The following PCDHGB5 variants were observed in gnomAD, a reference collection of about 807,000 sequenced individuals.
PCDHGB5 encodes the protein protocadherin gamma-B5.
In PCDHGB5, 48 loss-of-function variants were observed where a neutral mutation model predicts 62.9. The observed-to-expected ratio is 0.76, with a 90% CI of 0.61 to 0.97. The LOEUF is 0.97. Among genes scored for constraint, PCDHGB5 ranks in the 50% least tolerant of loss-of-function variants. The pLI is 0.00. For synonymous variants in PCDHGB5, 474 were observed against 511.2 expected (o/e 0.93, Z 0.98); for missense variants, 1,118 against 1,198.6 (o/e 0.93, Z 0.99).
Position 141,477,160 on chromosome 5 carries a change from C to A in PCDHGB5, c.2398-17647C>A, listed in dbSNP as rs768436526. The A allele has an allele frequency of 1.9e-5, 31 of 1,614,068 alleles. No homozygotes were observed. The African/African-American group carries it at 3.6e-4, about 19-fold the overall frequency. On this transcript the variant is annotated intron_variant, in intron 1 of 3. Coordinates refer to ENST00000617380, the MANE Select transcript of PCDHGB5 (RefSeq NM_018925.3). This position sits in a 1 kb window ranked among gnomAD's most constrained non-coding sequence, Gnocchi z 4.9. ...TGGAGGTTGTGGATGTGAATGACAA[C>A]GCCCCGGAGATCACAGTCACCTCCG...
rs907427230 is a variant in PCDHGB5, at chr5:141,489,936, G to A, written c.2398-4871G>A. 4 of 1,614,096 alleles carry A rather than the reference G, an allele frequency of 2.5e-6. No homozygotes were observed. In the African/African-American group the frequency reaches 5.3e-5, roughly 22 times the overall value. ...GGACCACCCTTATCTCTGTCATCGT[G>A]CTGGACATCAATGATAATGCTCCAA... is the stretch of plus-strand genomic sequence containing the variant. On this transcript the variant is annotated intron_variant, in intron 1 of 3. Coordinates refer to ENST00000617380, the MANE Select transcript of PCDHGB5 (RefSeq NM_018925.3). This position sits in a 1 kb window ranked among gnomAD's most constrained non-coding sequence, Gnocchi z 4.5.
chr5:141,404,225 A>G, intron 1 of PCDHGB5: 6 of 1,613,828 alleles, frequency 3.7e-6, no homozygotes, highest in Non-Finnish European at 5.1e-6. Context: ...GGTGACTGCA[A>G]CAGACAGAGG....
chr5:141,492,458 G>A (rs1333043781), intron 1 of PCDHGB5, among the ~76,000 whole-genome samples: 1 of 152,230 alleles, frequency 6.6e-6, no homozygotes, highest in Non-Finnish European at 1.5e-5. Flanking sequence ...GTGCGCGCCT[G>A]AGGGTCCCAG....
intron 1 of PCDHGB5, chr5:141,418,595 G>T (rs1331897624): frequency 5.6e-6 from 9 of 1,613,928 alleles, no homozygotes; most frequent in Non-Finnish European, 7.6e-6. Flanking sequence ...CAGCCAGGAC[G>T]TGTACAGGGT....
intron 2 of PCDHGB5, among the ~76,000 whole-genome samples, chr5:141,496,486 C>T (rs186488143): frequency 1.3e-5 from 2 of 152,322 alleles, no homozygotes; most frequent in East Asian, 3.9e-4. Flanking sequence ...CTGCAACCAA[C>T]CAAACCCTTG....
chr5:141,487,355 G>A lies in PCDHGB5; in HGVS notation c.2398-7452G>A. ...AGCCTGTGGAGTCACATGCTTTCCT[G>A]CTGGCACCTGTGCCTGTCTCACCAG... On this transcript the variant is annotated intron_variant, in intron 1 of 3. Coordinates refer to ENST00000617380, the MANE Select transcript of PCDHGB5 (RefSeq NM_018925.3). This position sits in a 1 kb window ranked among gnomAD's most constrained non-coding sequence, Gnocchi z 5.0. 1 of 1,614,150 alleles carries A rather than the reference G, an allele frequency of 6.2e-7. No homozygotes were observed. Among genetic ancestry groups the A allele is most frequent in the South Asian group, 1.1e-5 (1 of 91,090 alleles).
Position 141,486,253 on chromosome 5 carries a change from C to A in PCDHGB5, c.2398-8554C>A. The A allele has an allele frequency of 6.2e-7, 1 of 1,614,138 alleles. No individual in the cohort carries two copies. Among genetic ancestry groups the A allele is most frequent in the Non-Finnish European group, 8.5e-7 (1 of 1,180,006 alleles). On this transcript the variant is annotated intron_variant, in intron 1 of 3. Transcript: ENST00000617380. This position sits in a 1 kb window ranked among gnomAD's most constrained non-coding sequence, Gnocchi z 5.0. ...TGACCTCAGAGCTTGGAACCCTCCC[C>A]GAGAGTGCAGAACCTGGCACTGTGG...
At chr5:141,402,807 T>TA in intron 1 of PCDHGB5, 1 of 1,165,464 alleles carries the variant, frequency 8.6e-7, no homozygotes, top group Non-Finnish European at 1.2e-6. Flanking sequence ...ACCCGGCAGA[T>TA]ACCACAAACC....
rs751214480 is a variant in PCDHGB5, at chr5:141,485,161, G to A, written c.2398-9646G>A. ...CGTCTCAGGAGCAAGTAGAGAATTA[G>A]CGGGCGGCAGCAATGCTCCGCAAGG... On this transcript the variant is annotated intron_variant, in intron 1 of 3. Transcript: ENST00000617380. The surrounding 1 kb of genome is among the most constrained non-coding windows in gnomAD (Gnocchi z 5.7). The A allele has an allele frequency of 8.1e-6, 13 of 1,603,712 alleles. No individual in the cohort carries two copies. The Admixed American group carries it at 2.0e-4, about 25-fold the overall frequency.
chr5:141,410,135 G>T, intron 1 of PCDHGB5: 1 of 1,612,626 alleles, frequency 6.2e-7, no homozygotes, highest in Non-Finnish European at 8.5e-7. Context: ...CCTGCTGGTC[G>T]CTGTGCGTGA....
chr5:141,471,906 G>A (rs1376234079), intron 1 of PCDHGB5, among the ~76,000 whole-genome samples: 2 of 152,192 alleles, frequency 1.3e-5, no homozygotes, highest in African/African-American at 4.8e-5. Context: ...CTACAGACAA[G>A]CATGAGGGAA....
intron 1 of PCDHGB5, among the ~76,000 whole-genome samples, chr5:141,456,902 G>A (rs886945444): frequency 6.6e-6 from 1 of 152,294 alleles, no homozygotes; most frequent in South Asian, 2.1e-4. Flanking sequence ...GGCAGAGGTT[G>A]CAGTGAGCCG....
chr5:141,481,229 A>G (rs989963485), intron 1 of PCDHGB5, among the ~76,000 whole-genome samples: 5 of 152,212 alleles, frequency 3.3e-5, no homozygotes, highest in African/African-American at 4.8e-5. Context: ...TCCCAGCCTT[A>G]AAGTATTACA....
At chr5:141,508,162 G>A (rs377676571) in intron 3 of PCDHGB5, 4 of 152,502 alleles carry the variant, frequency 2.6e-5, no homozygotes, top group African/African-American at 9.7e-5. Context: ...CCTGAGTAGA[G>A]GCTGGCACAG....
Position 141,490,491 on chromosome 5 carries a change from A to T in PCDHGB5, c.2398-4316A>T. 1 of 1,614,098 alleles carries T rather than the reference A, an allele frequency of 6.2e-7. No individual in the cohort carries two copies. Among genetic ancestry groups the T allele is most frequent in the Non-Finnish European group, 8.5e-7 (1 of 1,180,022 alleles). ...GCCAGCCTTTGGACCGGGAGGCCAC[A>T]TCCCACTATATCATCGAGCTGCTGG... On this transcript the variant is annotated intron_variant, in intron 1 of 3. Coordinates refer to ENST00000617380, the MANE Select transcript of PCDHGB5 (RefSeq NM_018925.3). This position sits in a 1 kb window ranked among gnomAD's most constrained non-coding sequence, Gnocchi z 5.4.
intron 1 of PCDHGB5, among the ~76,000 whole-genome samples, chr5:141,475,778 T>C (rs1204790631): frequency 2.0e-5 from 3 of 152,282 alleles, no homozygotes; most frequent in Non-Finnish European, 4.4e-5. Flanking sequence ...GCGCTTTGGC[T>C]GGAAACTCTG....
chr5:141,418,007 C>G (rs1561770675), intron 1 of PCDHGB5: 1 of 1,613,904 alleles, frequency 6.2e-7, no homozygotes, highest in Non-Finnish European at 8.5e-7. Flanking sequence ...GGTGGGGAAC[C>G]TCGCTAAGGA....
At chr5:141,453,201 C>A (rs115660512) in intron 1 of PCDHGB5, among the ~76,000 whole-genome samples, 1 of 152,206 alleles carries the variant, frequency 6.6e-6, no homozygotes, top group South Asian at 2.1e-4. Flanking sequence ...GCAGCCTCAA[C>A]CTCGTGCACT....
chr5:141,489,558 G>A lies in PCDHGB5; in HGVS notation c.2398-5249G>A. On this transcript the variant is annotated intron_variant, in intron 1 of 3. Coordinates refer to ENST00000617380, the MANE Select transcript of PCDHGB5 (RefSeq NM_018925.3). The surrounding 1 kb of genome is among the most constrained non-coding windows in gnomAD (Gnocchi z 4.5). ...CCAGCACCAGCTGCCTGCTGCCAGT[G>A]CAGGTGGTGACTGAACACCCCCTGG... 1 of 1,614,130 alleles carries A rather than the reference G, an allele frequency of 6.2e-7. No individual in the cohort carries two copies. Among genetic ancestry groups the A allele is most frequent in the Non-Finnish European group, 8.5e-7 (1 of 1,180,024 alleles).
Sources: allele counts gnomAD v4.1 joint callset (sites outside exome capture counted in the v4.1 genomes callset), GRCh38; gene constraint gnomAD v4.1.1; non-coding constraint Gnocchi (gnomAD v3.1); transcripts MANE v1.5; gene names NCBI Gene and HGNC (gene_info 2026-07-23, HGNC 2026-07-21).